The following PDE11A variants were observed in gnomAD, a reference collection of about 807,000 sequenced individuals.
PDE11A encodes the protein phosphodiesterase 11A.
PDE11A carries 100 observed loss-of-function variants against 100.5 expected under a neutral mutation model. The ratio of observed to expected loss-of-function variants is 1.00; its 90% CI spans 0.85 to 1.18. The LOEUF (loss-of-function observed/expected upper bound fraction) is 1.18. Ranked by LOEUF, PDE11A falls within the 50% of genes most tolerant of loss-of-function variation. The pLI is 0.00. For missense variants in PDE11A, 1,141 were observed against 1,152.6 expected (o/e 0.99, Z 0.15); for synonymous variants, 381 against 420.8 (o/e 0.91, Z 1.16).
chr2:177,801,359 T>C (rs1463991943), intron 9 of PDE11A, among the ~76,000 whole-genome samples: 1 of 152,196 alleles, frequency 6.6e-6, no homozygotes, highest in Non-Finnish European at 1.5e-5. Flanking sequence ...TACTGTTTGA[T>C]TTTTAACTGC....
chr2:177,820,808 A>G (rs1298864644), intron 6 of PDE11A, among the ~76,000 whole-genome samples: 1 of 151,552 alleles, frequency 6.6e-6, no homozygotes, highest in Non-Finnish European at 1.5e-5. Context: ...GATACAAAAA[A>G]GGTAAGATAG....
chr2:177,883,442 C>T (rs1359835004), intron 4 of PDE11A, among the ~76,000 whole-genome samples: 1 of 152,096 alleles, frequency 6.6e-6, no homozygotes, highest in Non-Finnish European at 1.5e-5. Context: ...GGGCACAAAC[C>T]ATATCCTATC....
chr2:177,778,870 C>A (rs2082414604), intron 9 of PDE11A, among the ~76,000 whole-genome samples: 1 of 152,188 alleles, frequency 6.6e-6, no homozygotes, highest in Admixed American at 6.5e-5. Flanking sequence ...AAAGGTACTT[C>A]AGATAACTGT....
At chr2:177,690,562 A>G (rs1000883557) in intron 15 of PDE11A, among the ~76,000 whole-genome samples, 2 of 152,250 alleles carry the variant, frequency 1.3e-5, no homozygotes, top group Non-Finnish European at 2.9e-5. Flanking sequence ...AAACTATCAC[A>G]TTGAACAATT....
At chr2:177,972,123 T>G (rs866914527) in intron 2 of PDE11A, among the ~76,000 whole-genome samples, 1 of 152,142 alleles carries the variant, frequency 6.6e-6, no homozygotes, top group Non-Finnish European at 1.5e-5. Flanking sequence ...AAAGAGCAAT[T>G]TAGAAATCTC....
chr2:177,990,042 C>G (rs2085984432), intron 2 of PDE11A, among the ~76,000 whole-genome samples: 1 of 152,110 alleles, frequency 6.6e-6, no homozygotes. Flanking sequence ...AAAACTCACA[C>G]CACTCACTAC....
chr2:177,732,692 A>G (rs1237864747), intron 10 of PDE11A, among the ~76,000 whole-genome samples: 3 of 152,230 alleles, frequency 2.0e-5, no homozygotes, highest in African/African-American at 7.2e-5. Flanking sequence ...GGAAATAAGA[A>G]CATTACGTTG....
chr2:177,921,493 AC>A (rs35782989), intron 2 of PDE11A, among the ~76,000 whole-genome samples: 12,818 of 151,554 alleles, frequency 0.085, 513 homozygotes, highest in South Asian at 0.097. Context: ...AAGAAAAAAA[AC>A]ATGTTTATCA....
At chr2:177,778,424 G>C (rs143385379) in intron 9 of PDE11A, among the ~76,000 whole-genome samples, 56 of 152,318 alleles carry the variant, frequency 3.7e-4, no homozygotes, top group African/African-American at 1.2e-3. Flanking sequence ...TAAGAGCGAG[G>C]AGGAACAAAG....
At chr2:177,691,053 A>G (rs1381347630) in intron 15 of PDE11A, among the ~76,000 whole-genome samples, 1 of 152,214 alleles carries the variant, frequency 6.6e-6, no homozygotes, top group East Asian at 1.9e-4. Context: ...TGAGCTAAAG[A>G]GTAAGGTGTC....
intron 13 of PDE11A, among the ~76,000 whole-genome samples, chr2:177,701,636 G>A (rs930934490): frequency 6.6e-6 from 1 of 152,210 alleles, no homozygotes; most frequent in Non-Finnish European, 1.5e-5. Flanking sequence ...TTCTGGCTCC[G>A]GGGATCAGGG....
intron 2 of PDE11A, among the ~76,000 whole-genome samples, chr2:177,945,678 G>A (rs1457811151): frequency 1.3e-5 from 2 of 151,930 alleles, no homozygotes; most frequent in Admixed American, 1.3e-4. Flanking sequence ...ACCCCATCTG[G>A]GAGGTGAGGA....
intron 13 of PDE11A, chr2:177,702,844 CAT>C: frequency 6.6e-6 from 1 of 152,100 alleles, no homozygotes; most frequent in African/African-American, 2.4e-5. Flanking sequence ...AGATTTTAAT[CAT>C]ATATGTGTTA....
chr2:177,828,193 A>T (rs1279292405), intron 6 of PDE11A, among the ~76,000 whole-genome samples: 1 of 152,190 alleles, frequency 6.6e-6, no homozygotes, highest in Non-Finnish European at 1.5e-5. Flanking sequence ...TAACCTTTCC[A>T]TCTTTAGAGA....
chr2:177,914,429 C>T (rs573114214), intron 2 of PDE11A, among the ~76,000 whole-genome samples: 1 of 152,076 alleles, frequency 6.6e-6, no homozygotes, highest in Admixed American at 6.6e-5. Flanking sequence ...AGATCTTTTA[C>T]AAAGATATCT....
intron 10 of PDE11A, among the ~76,000 whole-genome samples, chr2:177,766,450 C>A (rs1044235127): frequency 1.3e-5 from 2 of 152,172 alleles, no homozygotes. Flanking sequence ...GACTTCAAAT[C>A]ATTGCACACT....
chr2:178,089,589 T>G (rs2087396765), intron 2 of PDE11A, among the ~76,000 whole-genome samples: 1 of 152,216 alleles, frequency 6.6e-6, no homozygotes, highest in Non-Finnish European at 1.5e-5. Context: ...TAAATTAGTT[T>G]AGCACAGTTC....
At chr2:177,652,804 G>A (rs1358328) in intron 19 of PDE11A, among the ~76,000 whole-genome samples, 98,813 of 152,096 alleles carry the variant, frequency 0.65, 34,345 homozygotes, top group Admixed American at 0.75. Flanking sequence ...GCTTTTTGAT[G>A]GCAATGGAAG....
chr2:178,072,556 C>T lies in PDE11A; in HGVS notation c.-119G>A, dbSNP rs1327228600. 9 of 1,541,762 alleles carry T rather than the reference C, an allele frequency of 5.8e-6. No individual in the cohort carries two copies. The highest frequency in any genetic ancestry group is 1.4e-5 in the African/African-American group (1 of 73,218). On this transcript the variant is annotated 5_prime_UTR_variant, in exon 1 of 20. Transcript: ENST00000286063. ...CAGTATTCCCAGTTCAGCGCCACCT[C>T]CCCTGGAGATTATTCCCAGCAGTGG...
Sources: gnomAD v4.1 joint callset for allele counts (sites outside exome capture counted in the v4.1 genomes callset) on GRCh38, gnomAD v4.1.1 for gene constraint, MANE v1.5 for transcripts, NCBI Gene and HGNC (gene_info 2026-07-23, HGNC 2026-07-21) for gene names.